Variants in ADD2 observed in about 807,000 individuals in gnomAD.
ADD2 encodes beta-adducin.
Under a neutral mutation model 83.0 loss-of-function variants are expected in ADD2, and 23 were observed. The ratio of observed to expected loss-of-function variants is 0.28; its 90% CI spans 0.20 to 0.39. ADD2 has a LOEUF of 0.39. ADD2 is among the 10% of genes least tolerant of loss of function. ADD2 has a pLI of 1.00. For missense variants in ADD2, 758 were observed against 944.9 expected, an observed-to-expected ratio of 0.80 and a Z score of 2.59; for synonymous variants, 375 against 375.4, an observed-to-expected ratio of 1.00 and a Z score of 0.01.
chr2:70,722,335 C>T (rs1672772688), intron 1 of ADD2, among the ~76,000 whole-genome samples: 1 of 152,106 alleles, frequency 6.6e-6, no homozygotes, highest in African/African-American at 2.4e-5. Flanking sequence ...TGCTAACTAT[C>T]ATTATAAGTC....
At chr2:70,704,264 C>CCCCCCCCCCCCCCCCCACACCCA in intron 4 of ADD2, 57 bp downstream of exon 4, 1 of 425,204 alleles carries the variant, frequency 2.4e-6, no homozygotes. Flanking sequence ...TCCCTCTCTT[C>CCCCCCCCCCCCCCCCCACACCCA]CCCACCCCAC....
chr2:70,765,860 C>T (rs1401971096), intron 1 of ADD2, among the ~76,000 whole-genome samples: 1 of 152,158 alleles, frequency 6.6e-6, no homozygotes, highest in Non-Finnish European at 1.5e-5. Flanking sequence ...GTTAGGCTGC[C>T]TTGCCATATT....
At chr2:70,762,407 G>T (rs1675163173) in intron 1 of ADD2, among the ~76,000 whole-genome samples, 1 of 151,626 alleles carries the variant, frequency 6.6e-6, no homozygotes, top group Non-Finnish European at 1.5e-5. Flanking sequence ...AGAGTCAAGG[G>T]TCACAACATT....
intron 5 of ADD2, among the ~76,000 whole-genome samples, 162 bp from the exon 6 acceptor site, chr2:70,695,963 C>G (rs1671285939): frequency 6.6e-6 from 1 of 152,166 alleles, no homozygotes; most frequent in East Asian, 1.9e-4. Flanking sequence ...AAGAACTCAG[C>G]TTTTATTTGG....
chr2:70,672,492 C>A (rs782809923), intron 15 of ADD2, among the ~76,000 whole-genome samples: 5 of 152,206 alleles, frequency 3.3e-5, no homozygotes, highest in Non-Finnish European at 5.9e-5. Context: ...AATTCAGCAT[C>A]TTAGGCCACA....
intron 1 of ADD2, among the ~76,000 whole-genome samples, chr2:70,715,115 G>A (rs1432413516): frequency 6.6e-6 from 1 of 152,062 alleles, no homozygotes; most frequent in Non-Finnish European, 1.5e-5. Flanking sequence ...CCATTGTCCT[G>A]TGGCAATGAA....
chr2:70,755,053 C>T (rs1674700681), intron 1 of ADD2, among the ~76,000 whole-genome samples: 1 of 152,166 alleles, frequency 6.6e-6, no homozygotes, highest in South Asian at 2.1e-4. Flanking sequence ...CCCTATGTGA[C>T]CTTGCCCCTG....
At chr2:70,704,263 T>TGCCCACCC in intron 4 of ADD2, 58 bp downstream of exon 4, 1 of 913,238 alleles carries the variant, frequency 1.1e-6, no homozygotes, top group Non-Finnish European at 1.7e-6. Context: ...CTCCCTCTCT[T>TGCCCACCC]CCCCACCCCA....
intron 1 of ADD2, among the ~76,000 whole-genome samples, chr2:70,728,562 ACT>A (rs1228774999): frequency 2.0e-5 from 3 of 152,106 alleles, no homozygotes; most frequent in East Asian, 3.8e-4. Flanking sequence ...GATTGAAGAC[ACT>A]CTCTGAAAAA....
chr2:70,747,105 G>T (rs1221105951), intron 1 of ADD2, among the ~76,000 whole-genome samples: 1 of 147,178 alleles, frequency 6.8e-6, no homozygotes. Context: ...CCGCCTCCCA[G>T]GTTCACGCCA....
At chr2:70,743,507 C>T (rs1328724855) in intron 1 of ADD2, among the ~76,000 whole-genome samples, 1 of 152,096 alleles carries the variant, frequency 6.6e-6, no homozygotes, top group East Asian at 1.9e-4. Flanking sequence ...TTATTAGGGA[C>T]AATATCTGCT....
At chr2:70,744,512 G>T (rs1038944882) in intron 1 of ADD2, among the ~76,000 whole-genome samples, 1 of 152,100 alleles carries the variant, frequency 6.6e-6, no homozygotes, top group Non-Finnish European at 1.5e-5. Flanking sequence ...TGACATGAAA[G>T]GGCATTCCTA....
At chr2:70,709,990 G>C (rs1672093740) in intron 2 of ADD2, among the ~76,000 whole-genome samples, 1 of 152,346 alleles carries the variant, frequency 6.6e-6, no homozygotes, top group African/African-American at 2.4e-5. Context: ...TGGGCAGGCA[G>C]CACGGCAGAA....
At chr2:70,729,290 G>C (rs1673163862) in intron 1 of ADD2, among the ~76,000 whole-genome samples, 1 of 152,308 alleles carries the variant, frequency 6.6e-6, no homozygotes, top group South Asian at 2.1e-4. Context: ...CCCTGGGCTG[G>C]AATAACACTA....
Position 70,676,990 on chromosome 2 carries a change from G to A in ADD2, c.1504-105C>T, listed in dbSNP as rs1013580956. 34 of 1,495,346 alleles carry A rather than the reference G, an allele frequency of 2.3e-5. No homozygotes were observed. In the Admixed American group the frequency reaches 3.1e-4, roughly 14 times the overall value. 92.6% of individuals were successfully genotyped at this position (1,495,346 alleles called of 1,614,324 possible). ...CTGGGGTCTAGAAAGGTCCTCTAGC[G>A]GTGTGGGAGCCCGTCACCTATCCTA... On this transcript the variant is annotated intron_variant, in intron 12 of 15. Transcript: ENST00000264436. This position sits in a 1 kb window ranked among gnomAD's most constrained non-coding sequence, Gnocchi z 4.8.
chr2:70,733,341 C>T (rs1464562823), intron 1 of ADD2, among the ~76,000 whole-genome samples: 1 of 152,166 alleles, frequency 6.6e-6, no homozygotes, highest in African/African-American at 2.4e-5. Flanking sequence ...AAACACCATG[C>T]CACTATCAGG....
chr2:70,767,101 T>TC (rs34793850), intron 1 of ADD2, among the ~76,000 whole-genome samples: 57 of 151,628 alleles, frequency 3.8e-4, no homozygotes, highest in Non-Finnish European at 7.4e-4. Context: ...CTCCCTCCCT[T>TC]CCCCCCAACA....
At chr2:70,766,581 A>T (rs1677887041) in intron 1 of ADD2, among the ~76,000 whole-genome samples, 1 of 152,240 alleles carries the variant, frequency 6.6e-6, no homozygotes, top group Non-Finnish European at 1.5e-5. Flanking sequence ...AAAACGGAAC[A>T]TAATTTTCTA....
intron 15 of ADD2, among the ~76,000 whole-genome samples, chr2:70,671,091 C>T (rs1669873673): frequency 6.6e-6 from 1 of 152,184 alleles, no homozygotes; most frequent in Non-Finnish European, 1.5e-5. Flanking sequence ...AGCTGGAACA[C>T]ATGTCCTGAA....
Sources: gnomAD v4.1 joint callset for allele counts (sites outside exome capture counted in the v4.1 genomes callset) on GRCh38, gnomAD v4.1.1 for gene constraint, Gnocchi (gnomAD v3.1) non-coding constraint, MANE v1.5 for transcripts, NCBI Gene and HGNC (gene_info 2026-07-23, HGNC 2026-07-21) for gene names.